Variants in TSPAN15 observed in about 807,000 individuals in gnomAD.
TSPAN15 encodes tetraspanin-15.
A neutral mutation model predicts 34.5 loss-of-function variants in TSPAN15; 20 were observed. That is an observed-to-expected ratio of 0.58 (90% confidence interval 0.41 to 0.84). The LOEUF (loss-of-function observed/expected upper bound fraction) is 0.84, where lower values mean the gene tolerates loss of function less well. Among genes scored for constraint, TSPAN15 ranks in the 40% least tolerant of loss-of-function variants. The pLI is 0.00. For synonymous variants in TSPAN15, 155 were observed against 153.9 expected (o/e 1.01, Z -0.05); for missense variants, 313 against 386.1 (o/e 0.81, Z 1.59).
At chr10:69,462,013 G>C (rs1353652965) in intron 1 of TSPAN15, among the ~76,000 whole-genome samples, 2 of 151,018 alleles carry the variant, frequency 1.3e-5, no homozygotes, top group Admixed American at 6.6e-5. Flanking sequence ...TAATGACAGG[G>C]TCTTGCTCTG....
At chr10:69,459,889 C>T (rs1041616578) in intron 1 of TSPAN15, among the ~76,000 whole-genome samples, 1 of 148,602 alleles carries the variant, frequency 6.7e-6, no homozygotes, top group Non-Finnish European at 1.5e-5. Flanking sequence ...CTCTAGGGTC[C>T]CCCACCCACG....
At chr10:69,515,003 A>G in the TSPAN15 span, among the ~76,000 whole-genome samples, 1 of 152,014 alleles carries the variant, frequency 6.6e-6, no homozygotes, top group South Asian at 2.1e-4. Flanking sequence ...ACTTGCCCCA[A>G]ATTGCTCTCA....
At chr10:69,549,221 G>A in the TSPAN15 span, among the ~76,000 whole-genome samples, 1 of 152,134 alleles carries the variant, frequency 6.6e-6, no homozygotes, top group African/African-American at 2.4e-5. Context: ...GATTAACCCT[G>A]TTCTGGGAAG....
chr10:69,491,398 C>A (rs1201142173), intron 3 of TSPAN15, among the ~76,000 whole-genome samples: 1 of 152,212 alleles, frequency 6.6e-6, no homozygotes, highest in Non-Finnish European at 1.5e-5. Context: ...CAGTCTTGCT[C>A]TGTCACCCAG....
chr10:69,466,735 C>T (rs1841392907), intron 1 of TSPAN15, among the ~76,000 whole-genome samples: 1 of 152,212 alleles, frequency 6.6e-6, no homozygotes, highest in South Asian at 2.1e-4. Flanking sequence ...ACCTCTTGGT[C>T]AGGTGCAGAC....
chr10:69,455,387 G>C (rs183978836), intron 1 of TSPAN15, among the ~76,000 whole-genome samples: 3 of 152,048 alleles, frequency 2.0e-5, no homozygotes, highest in African/African-American at 7.2e-5. Context: ...TTAAATCCAC[G>C]TGAATTATGG....
At chr10:69,492,934 G>A (rs868496255) in intron 3 of TSPAN15, among the ~76,000 whole-genome samples, 4 of 152,188 alleles carry the variant, frequency 2.6e-5, no homozygotes, top group Admixed American at 1.3e-4. Context: ...GAAGCCACCC[G>A]GGAGGAACCT....
At chr10:69,548,540 C>A in the TSPAN15 span, among the ~76,000 whole-genome samples, 1 of 152,202 alleles carries the variant, frequency 6.6e-6, no homozygotes, top group Non-Finnish European at 1.5e-5. Flanking sequence ...CCTGTGATCA[C>A]CTGGCTTTCT....
chr10:69,507,286 C>T lies in TSPAN15; in HGVS notation c.*308C>T. 2 of 1,304,886 alleles carry T rather than the reference C, an allele frequency of 1.5e-6. No homozygotes were observed. The highest frequency in any genetic ancestry group is 2.0e-6 in the Non-Finnish European group (2 of 1,020,158). The allele number at this position is 1,304,886 out of a possible 1,614,324, so 80.8% of individuals were successfully genotyped here. ...GGAGAGCCTGAGGCTCTGCTCAGGG[C>T]CCATTTCATCTCTGGCAGTGCCTTG... On this transcript the variant is annotated 3_prime_UTR_variant, in exon 8 of 8. Coordinates refer to ENST00000373290, the MANE Select transcript of TSPAN15 (RefSeq NM_012339.5).
intron 1 of TSPAN15, among the ~76,000 whole-genome samples, chr10:69,467,048 T>C (rs1841399725): frequency 6.6e-6 from 1 of 152,212 alleles, no homozygotes; most frequent in Admixed American, 6.5e-5. Flanking sequence ...TGCCACTTTC[T>C]GCACAGGGTT....
At chr10:69,473,448 G>A (rs1841548187) in intron 1 of TSPAN15, among the ~76,000 whole-genome samples, 1 of 152,362 alleles carries the variant, frequency 6.6e-6, no homozygotes, top group Non-Finnish European at 1.5e-5. Flanking sequence ...TTGCGGAAAT[G>A]TGACATCCTT....
At chr10:69,532,645 A>G in the TSPAN15 span, among the ~76,000 whole-genome samples, 2 of 152,244 alleles carry the variant, frequency 1.3e-5, no homozygotes, top group Non-Finnish European at 2.9e-5. Flanking sequence ...CCAAGAACCC[A>G]AAAGCAAATG....
At chr10:69,505,891 T>G in intron 6 of TSPAN15, 1 of 419,056 alleles carries the variant, frequency 2.4e-6, no homozygotes, top group Non-Finnish European at 4.3e-6. Flanking sequence ...GCCGCCAACC[T>G]CGTTTGCTGG....
At chr10:69,496,247 T>A (rs12416663) in intron 4 of TSPAN15, among the ~76,000 whole-genome samples, 10,416 of 151,708 alleles carry the variant, frequency 0.069, 481 homozygotes, top group East Asian at 0.11. Flanking sequence ...TGACACTTCC[T>A]TGAATGTGAT....
the TSPAN15 span, among the ~76,000 whole-genome samples, chr10:69,524,716 C>CA: frequency 2.8e-4 from 39 of 139,476 alleles, 4 homozygotes; most frequent in Middle Eastern, 3.7e-3. Context: ...ATTCAGTAGA[C>CA]AAAAAAAATA....
intron 1 of TSPAN15, among the ~76,000 whole-genome samples, chr10:69,455,086 C>G (rs891308869): frequency 6.9e-6 from 1 of 144,608 alleles, no homozygotes; most frequent in Non-Finnish European, 1.5e-5. Context: ...CGCTAGAACC[C>G]GGGAAGCGGA....
rs144842834 is a variant in TSPAN15, at chr10:69,504,126, C to T, written c.571-312C>T. Among the ~76,000 whole-genome samples, 1,367 of 152,282 alleles carry T rather than the reference C, an allele frequency of 9.0e-3. 4 individuals are homozygous for T. Among genetic ancestry groups the T allele is most frequent in the Middle Eastern group, 0.017 (5 of 294 alleles). On this transcript the variant is annotated intron_variant, in intron 5 of 7. Coordinates refer to ENST00000373290, the MANE Select transcript of TSPAN15 (RefSeq NM_012339.5). ...GTGTGAGCAAAGCGGTGCTCTGGGG[C>T]GGTCATAGCCCGGGAGCGTGGGCAG...
At chr10:69,480,472 C>T (rs1347061632) in intron 1 of TSPAN15, among the ~76,000 whole-genome samples, 3 of 152,120 alleles carry the variant, frequency 2.0e-5, no homozygotes, top group Non-Finnish European at 4.4e-5. Context: ...GAAGATAAAA[C>T]CCTACCTCTG....
intron 3 of TSPAN15, chr10:69,494,545 A>T: frequency 1.4e-6 from 1 of 724,420 alleles, no homozygotes; most frequent in Non-Finnish European, 1.7e-6. Context: ...GAGGCTTGAC[A>T]GCCCCTCTGA....
Sources: allele counts gnomAD v4.1 joint callset (sites outside exome capture counted in the v4.1 genomes callset), GRCh38; gene constraint gnomAD v4.1.1; transcripts MANE v1.5; gene names NCBI Gene and HGNC (gene_info 2026-07-23, HGNC 2026-07-21).